The following THEMIS variants were observed in gnomAD, a reference collection of about 807,000 sequenced individuals.
THEMIS encodes protein THEMIS.
In THEMIS, 37 loss-of-function variants were observed where a neutral mutation model predicts 52.6. The ratio of observed to expected loss-of-function variants is 0.70; its 90% confidence interval spans 0.54 to 0.93. THEMIS has a LOEUF of 0.93. Among genes scored for constraint, THEMIS ranks in the 40% least tolerant of loss-of-function variants. THEMIS has a pLI of 0.00. For missense variants in THEMIS, 808 were observed against 763.1 expected (o/e 1.06, Z -0.69); for synonymous variants, 292 against 272.7 (o/e 1.07, Z -0.70).
intron 1 of THEMIS, among the ~76,000 whole-genome samples, chr6:127,872,961 T>A (rs1300440642): frequency 2.0e-5 from 3 of 152,196 alleles, no homozygotes; most frequent in Non-Finnish European, 4.4e-5. Context: ...TGTAGAATAC[T>A]AGAATAATAT....
chr6:127,816,578 C>T (rs1283430428), intron 3 of THEMIS, among the ~76,000 whole-genome samples: 1 of 152,136 alleles, frequency 6.6e-6, no homozygotes. Context: ...TTTTTAACAC[C>T]TGAAATATCT....
At chr6:127,834,201 T>A (rs1279360729) in intron 2 of THEMIS, among the ~76,000 whole-genome samples, 1 of 152,002 alleles carries the variant, frequency 6.6e-6, no homozygotes, top group African/African-American at 2.4e-5. Flanking sequence ...TCTAAGATGG[T>A]GAGGAAGTTT....
intron 1 of THEMIS, among the ~76,000 whole-genome samples, chr6:127,884,916 G>A (rs182722201): frequency 5.9e-5 from 9 of 152,136 alleles, no homozygotes; most frequent in Admixed American, 2.0e-4. Context: ...GTGCACACAC[G>A]CATGTGTGCA....
chr6:127,813,809 T>G lies in THEMIS; in HGVS notation c.832A>C (p.Ser278Arg). 6.2e-7 allele frequency: 1 copy of G among 1,614,024 alleles called. No individual in the cohort carries two copies. Among genetic ancestry groups the G allele is most frequent in the Non-Finnish European group, 8.5e-7 (1 of 1,179,960 alleles). Residue 278 changes from serine (S) to arginine (R), a missense_variant, in exon 4 of 6, where the codon AGT becomes CGT. By Grantham distance (110) the Ser-to-Arg change is moderately radical. Transcript: ENST00000368248. ...TCAGTCACTATGGGGAACTCTTTAC[T>G]AGTCATTTCAAAAAGATCTTCTGTT... ...LSTEDLFEMT[S>R]KEFPIVTEVI... is the part of the protein sequence containing the mutation.
intron 4 of THEMIS, among the ~76,000 whole-genome samples, chr6:127,784,376 A>C (rs2114493693): frequency 6.6e-6 from 1 of 152,204 alleles, no homozygotes; most frequent in Non-Finnish European, 1.5e-5. Flanking sequence ...CCAGAACTTA[A>C]AGTATATGTA....
intron 5 of THEMIS, among the ~76,000 whole-genome samples, chr6:127,713,418 A>T (rs1774049548): frequency 6.6e-6 from 1 of 151,894 alleles, no homozygotes; most frequent in African/African-American, 2.4e-5. Context: ...TGTATTCAAG[A>T]AATACTTACT....
At chr6:127,837,180 T>C (rs1391572542) in intron 2 of THEMIS, among the ~76,000 whole-genome samples, 1 of 151,954 alleles carries the variant, frequency 6.6e-6, no homozygotes, top group Non-Finnish European at 1.5e-5. Context: ...CAGAAAATGA[T>C]AGAAAACGAT....
intron 2 of THEMIS, among the ~76,000 whole-genome samples, chr6:127,849,828 C>A (rs1779358834): frequency 6.6e-6 from 1 of 152,024 alleles, no homozygotes; most frequent in Admixed American, 6.6e-5. Flanking sequence ...TGGAAATGAG[C>A]TTAGGCAAAT....
chr6:127,770,656 G>A (rs1776352679), intron 4 of THEMIS, among the ~76,000 whole-genome samples: 1 of 152,132 alleles, frequency 6.6e-6, no homozygotes. Flanking sequence ...GGCTTTTGTT[G>A]CCATTGCTTT....
intron 1 of THEMIS, among the ~76,000 whole-genome samples, chr6:127,906,630 C>T (rs1487485029): frequency 6.6e-6 from 1 of 151,790 alleles, no homozygotes; most frequent in Non-Finnish European, 1.5e-5. Flanking sequence ...AAAGAAAATG[C>T]ATTTCACATT....
downstream of THEMIS, among the ~76,000 whole-genome samples, chr6:127,707,808 A>G (rs1773838069): frequency 6.6e-6 from 1 of 152,126 alleles, no homozygotes; most frequent in South Asian, 2.1e-4. Flanking sequence ...GAGTTTTTCT[A>G]TTAAAATCCT....
chr6:127,700,101 A>C, the THEMIS span, among the ~76,000 whole-genome samples: 1 of 151,830 alleles, frequency 6.6e-6, no homozygotes, highest in South Asian at 2.1e-4. Context: ...TTTATGATTC[A>C]AGTTTCAATC....
At chr6:127,815,134 A>G (rs1218704309) in intron 3 of THEMIS, among the ~76,000 whole-genome samples, 2 of 152,144 alleles carry the variant, frequency 1.3e-5, no homozygotes, top group African/African-American at 4.8e-5. Flanking sequence ...CTTGGGTGAC[A>G]GAGTGAGACC....
At chr6:127,894,695 T>A (rs1382852654) in intron 1 of THEMIS, among the ~76,000 whole-genome samples, 2 of 151,510 alleles carry the variant, frequency 1.3e-5, no homozygotes, top group African/African-American at 2.4e-5. Flanking sequence ...AAAACCAAAT[T>A]CTAGCTTCTT....
chr6:127,746,298 A>G (rs1775386034), intron 4 of THEMIS, among the ~76,000 whole-genome samples: 1 of 151,844 alleles, frequency 6.6e-6, no homozygotes, highest in African/African-American at 2.4e-5. Context: ...TATTTATGCT[A>G]GAAGCCATAC....
intron 4 of THEMIS, among the ~76,000 whole-genome samples, chr6:127,808,077 C>T (rs745354760): frequency 5.9e-5 from 9 of 152,078 alleles, no homozygotes; most frequent in East Asian, 1.9e-4. Flanking sequence ...TGTTCTTGTC[C>T]GACAGAAATC....
chr6:127,754,656 G>A (rs560837230), intron 4 of THEMIS, among the ~76,000 whole-genome samples: 8 of 152,282 alleles, frequency 5.3e-5, no homozygotes, highest in Non-Finnish European at 1.0e-4. Flanking sequence ...AATAATAGTT[G>A]TTAGGGAATT....
chr6:127,773,397 T>C (rs949214231), intron 4 of THEMIS, among the ~76,000 whole-genome samples: 15 of 152,196 alleles, frequency 9.9e-5, no homozygotes, highest in Non-Finnish European at 1.5e-4. Flanking sequence ...ATTTGAACGT[T>C]TTTATCCAGT....
At chr6:127,876,655 G>A (rs953572809) in intron 1 of THEMIS, among the ~76,000 whole-genome samples, 1 of 152,118 alleles carries the variant, frequency 6.6e-6, no homozygotes, top group Non-Finnish European at 1.5e-5. Context: ...ATATTAAGCA[G>A]GTAAAGGAAA....
Sources: gnomAD v4.1 joint callset for allele counts (sites outside exome capture counted in the v4.1 genomes callset) on GRCh38, gnomAD v4.1.1 for gene constraint, MANE v1.5 for transcripts, NCBI Gene and HGNC (gene_info 2026-07-23, HGNC 2026-07-21) for gene names.